PLCZ1: variants seen among roughly 807,000 people sequenced by gnomAD.
PLCZ1 encodes the protein 1-phosphatidylinositol 4,5-bisphosphate phosphodiesterase zeta-1.
In PLCZ1, 64 loss-of-function variants were observed where a neutral mutation model predicts 76.8. The observed-to-expected ratio is 0.83, with a 90% CI of 0.68 to 1.03. PLCZ1 has a LOEUF of 1.03. Ranked by LOEUF, PLCZ1 falls within the 50% of genes least tolerant of loss-of-function variation. The probability of loss-of-function intolerance (pLI) is 0.00; values close to 1 mark genes in which losing one functional copy is unlikely to be tolerated. For missense variants in PLCZ1, 751 were observed against 713.7 expected, an observed-to-expected ratio of 1.05 and a Z score of -0.60; for synonymous variants, 248 against 230.8, an observed-to-expected ratio of 1.07 and a Z score of -0.68.
chr12:18,725,833 A>T (rs182599018), intron 3 of PLCZ1, among the ~76,000 whole-genome samples: 4 of 151,960 alleles, frequency 2.6e-5, no homozygotes, highest in Non-Finnish European at 5.9e-5. Context: ...TAAATTACCA[A>T]TTTCTACTAA....
chr12:18,652,970 CTAAG>C, the PLCZ1 span, among the ~76,000 whole-genome samples: 1 of 151,848 alleles, frequency 6.6e-6, no homozygotes, highest in Non-Finnish European at 1.5e-5. Flanking sequence ...TGATTTTAGG[CTAAG>C]TGAGGATGAG....
At chr12:18,713,367 T>C (rs1161759746) in intron 5 of PLCZ1, among the ~76,000 whole-genome samples, 1 of 152,122 alleles carries the variant, frequency 6.6e-6, no homozygotes, top group Non-Finnish European at 1.5e-5. Flanking sequence ...GCCATACCAT[T>C]CAAAAGTGAT....
intron 2 of PLCZ1, 63 bp downstream of exon 2, chr12:18,737,298 T>A (rs1460997931): frequency 6.5e-7 from 1 of 1,538,036 alleles, no homozygotes; most frequent in African/African-American, 1.4e-5. Context: ...AATAACAGCA[T>A]CAAGTAAAGA....
chr12:18,687,968 A>G, intron 13 of PLCZ1, 121 bp downstream of exon 13: 2 of 1,339,516 alleles, frequency 1.5e-6, no homozygotes, highest in South Asian at 1.3e-5. Flanking sequence ...AATTTTGGAC[A>G]TAATGGAAAA....
intron 5 of PLCZ1, among the ~76,000 whole-genome samples, chr12:18,716,859 G>C (rs994162167): frequency 1.3e-5 from 2 of 152,082 alleles, no homozygotes; most frequent in African/African-American, 4.8e-5. Context: ...ATAAATTTAA[G>C]AATCTTTTGG....
chr12:18,666,617 T>G, the PLCZ1 span, among the ~76,000 whole-genome samples: 1 of 152,094 alleles, frequency 6.6e-6, no homozygotes, highest in Non-Finnish European at 1.5e-5. Context: ...TCAACAACAT[T>G]TGGAGATTTT....
In PLCZ1 at chr12:18,719,610, T is replaced by A; in HGVS notation, c.390A>T (p.Ser130=). Residue 130 remains serine (S), a synonymous_variant, in exon 5 of 15, where the codon TCA becomes TCT. Coordinates refer to ENST00000266505, the MANE Select transcript of PLCZ1 (RefSeq NM_033123.4). ...IEEVRKAHQM[S]LEGFTRYMDS... is the part of the protein sequence containing the mutation. ...CCATGTATCTTGTAAAACCTTCTAA[T>A]GACATTTGGTGTGCTTTCCTAACTA... is the stretch of plus-strand genomic sequence containing the variant. 1.2e-6 allele frequency: 2 copies of A among 1,602,348 alleles called. No individual in the cohort carries two copies. The highest frequency in any genetic ancestry group is 1.7e-6 in the Non-Finnish European group (2 of 1,174,018).
At chr12:18,728,261 A>G (rs2150745694) in intron 3 of PLCZ1, among the ~76,000 whole-genome samples, 1 of 152,328 alleles carries the variant, frequency 6.6e-6, no homozygotes, top group South Asian at 2.1e-4. Flanking sequence ...AGATATGAAG[A>G]AATTATATCA....
downstream of PLCZ1, among the ~76,000 whole-genome samples, chr12:18,679,865 G>A (rs1045870936): frequency 1.3e-5 from 2 of 151,958 alleles, no homozygotes; most frequent in Admixed American, 1.3e-4. Context: ...GTGCTGAGCT[G>A]TTGTGTAAGC....
At chr12:18,665,646 A>G in the PLCZ1 span, among the ~76,000 whole-genome samples, 1 of 152,086 alleles carries the variant, frequency 6.6e-6, no homozygotes, top group South Asian at 2.1e-4. Flanking sequence ...TACAAAAATT[A>G]GCCTGGCGGT....
the PLCZ1 span, among the ~76,000 whole-genome samples, chr12:18,650,345 ATATGTGTGTGTG>A: frequency 3.0e-4 from 38 of 127,730 alleles, 1 homozygote; most frequent in African/African-American, 1.1e-3. Context: ...ATATATATAT[ATATGTGTGTGTG>A]TGTGTGTGTG....
At chr12:18,720,515 C>T (rs1354301800) in intron 4 of PLCZ1, among the ~76,000 whole-genome samples, 1 of 151,288 alleles carries the variant, frequency 6.6e-6, no homozygotes, top group Non-Finnish European at 1.5e-5. Flanking sequence ...GACTCATATC[C>T]ATTTAACTTG....
At chr12:18,667,193 C>T in the PLCZ1 span, among the ~76,000 whole-genome samples, 1 of 152,088 alleles carries the variant, frequency 6.6e-6, no homozygotes, top group Admixed American at 6.5e-5. Flanking sequence ...AACTTGTAAG[C>T]TTTGAATGAA....
At chr12:18,707,677 C>A (rs990477974) in intron 6 of PLCZ1, among the ~76,000 whole-genome samples, 5 of 152,142 alleles carry the variant, frequency 3.3e-5, no homozygotes, top group African/African-American at 1.2e-4. Flanking sequence ...GTTATGACTT[C>A]CCTAGTCATA....
chr12:18,652,700 T>C, the PLCZ1 span, among the ~76,000 whole-genome samples: 5 of 152,142 alleles, frequency 3.3e-5, no homozygotes, highest in Non-Finnish European at 7.3e-5. Context: ...AAGGTCCCAG[T>C]CTTCACTCAC....
At chr12:18,650,971 G>A in the PLCZ1 span, among the ~76,000 whole-genome samples, 4 of 151,588 alleles carry the variant, frequency 2.6e-5, no homozygotes, top group South Asian at 8.4e-4. Context: ...ACACAGCAAT[G>A]GGAATGGTTA....
At chr12:18,724,859 A>C (rs957592019) in intron 3 of PLCZ1, among the ~76,000 whole-genome samples, 1 of 152,148 alleles carries the variant, frequency 6.6e-6, no homozygotes, top group Non-Finnish European at 1.5e-5. Context: ...TAAATAAAAA[A>C]TTATGGTTCT....
intron 12 of PLCZ1, among the ~76,000 whole-genome samples, chr12:18,692,316 G>A (rs181378963): frequency 1.4e-3 from 218 of 152,230 alleles, no homozygotes; most frequent in Middle Eastern, 6.8e-3. Context: ...CAAACAACAG[G>A]TACAGTTATA....
downstream of PLCZ1, among the ~76,000 whole-genome samples, chr12:18,680,264 TTC>T (rs1952292596): frequency 6.6e-6 from 1 of 152,030 alleles, no homozygotes; most frequent in Non-Finnish European, 1.5e-5. Context: ...CAGCACAAGC[TTC>T]TTCCTAGTGT....
Sources: allele counts gnomAD v4.1 joint callset (sites outside exome capture counted in the v4.1 genomes callset), GRCh38; gene constraint gnomAD v4.1.1; transcripts MANE v1.5; gene names NCBI Gene and HGNC (gene_info 2026-07-23, HGNC 2026-07-21).